Variants in COMMD7 observed in about 807,000 individuals in gnomAD.
COMMD7 encodes the protein COMM domain containing 7, also known as COMM domain-containing protein 7.
COMMD7 carries 28 observed loss-of-function variants against 34.8 expected under a neutral mutation model. That is an observed-to-expected ratio of 0.80 (90% confidence interval 0.60 to 1.10). COMMD7 has a LOEUF of 1.10. Among genes scored for constraint, COMMD7 ranks in the 50% least tolerant of loss-of-function variants. The probability of loss-of-function intolerance (pLI) is 0.00; values close to 1 mark genes in which losing one functional copy is unlikely to be tolerated. For missense variants in COMMD7, 211 were observed against 241.6 expected (o/e 0.87, Z 0.84); for synonymous variants, 80 against 86.4 (o/e 0.93, Z 0.41).
chr20:32,742,925 C>T (rs1212020500), intron 1 of COMMD7, among the ~76,000 whole-genome samples: 1 of 152,188 alleles, frequency 6.6e-6, no homozygotes, highest in Non-Finnish European at 1.5e-5. Flanking sequence ...TCCCCACGCC[C>T]TTAGTCTGTT....
chr20:32,716,911 C>T (rs6058821), intron 3 of COMMD7, among the ~76,000 whole-genome samples: 104,606 of 151,270 alleles, frequency 0.69, 36,866 homozygotes, highest in Middle Eastern at 0.82. Flanking sequence ...CAGGCCAGAG[C>T]GCAGTGTCAG....
At chr20:32,725,590 G>A (rs965067732) in intron 3 of COMMD7, among the ~76,000 whole-genome samples, 4 of 151,748 alleles carry the variant, frequency 2.6e-5, no homozygotes, top group Admixed American at 6.6e-5. Flanking sequence ...CACCACACCC[G>A]GCTAATTTTT....
In COMMD7 at chr20:32,727,990, T is replaced by G. The variant is rs767902148; in HGVS notation, c.144A>C (p.Glu48Asp). The G allele has an allele frequency of 1.9e-6, 3 of 1,614,056 alleles. No homozygotes were observed. Among genetic ancestry groups the G allele is most frequent in the East Asian group, 4.5e-5 (2 of 44,882 alleles). The part of the protein sequence containing the change: ...FHFLTEPKEV[E>D]RFLAQLSEFA... ...ATTCAGAGAGCTGAGCCAGAAATCT[T>G]TCCACCTGCAGAGAGAGAACAGTGA... Residue 48 changes from glutamate (E) to aspartate (D), a missense_variant, in exon 3 of 9, where the codon GAA becomes GAC. Coordinates refer to ENST00000278980, the MANE Select transcript of COMMD7 (RefSeq NM_053041.3).
At chr20:32,707,415 G>A (rs927866953) in intron 3 of COMMD7, among the ~76,000 whole-genome samples, 1 of 151,508 alleles carries the variant, frequency 6.6e-6, no homozygotes. Flanking sequence ...CACCTCCTGG[G>A]TTCAAGTGAT....
intron 1 of COMMD7, among the ~76,000 whole-genome samples, chr20:32,736,391 C>G (rs1986129602): frequency 6.6e-6 from 1 of 152,178 alleles, no homozygotes; most frequent in African/African-American, 2.4e-5. Context: ...ATAAAGGTAG[C>G]TGGGCCTGGT....
In COMMD7 at chr20:32,723,176, G is replaced by A. The variant is rs1344894392; in HGVS notation, c.241+4717C>T. Among the ~76,000 whole-genome samples, 32 of 39,094 alleles carry A rather than the reference G, an allele frequency of 8.2e-4. 4 individuals are homozygous for A. Among genetic ancestry groups the A allele is most frequent in the African/African-American group, 2.8e-3 (31 of 10,938 alleles). The allele number at this position is 39,094 out of a possible 152,430, so 25.6% of individuals were successfully genotyped here. ...TCCGTCTCCCTCTCCCTCTCCCCAC[G>A]GTCTCCCTCTCATGCGGAGCCGAAG... On this transcript the variant is annotated intron_variant, in intron 3 of 8. Coordinates refer to ENST00000278980, the MANE Select transcript of COMMD7 (RefSeq NM_053041.3).
At chr20:32,711,226 G>A (rs768135806) in intron 3 of COMMD7, among the ~76,000 whole-genome samples, 8 of 151,782 alleles carry the variant, frequency 5.3e-5, no homozygotes, top group South Asian at 4.2e-4. Flanking sequence ...GTGAAACCCC[G>A]TCTCCACTAA....
chr20:32,732,543 G>T (rs1180974273), intron 1 of COMMD7, among the ~76,000 whole-genome samples: 1 of 151,616 alleles, frequency 6.6e-6, no homozygotes, highest in Non-Finnish European at 1.5e-5. Context: ...GAGGCAGGAG[G>T]ACCGCTTGAT....
chr20:32,705,849 A>G (rs549819701), intron 5 of COMMD7, among the ~76,000 whole-genome samples: 32 of 152,242 alleles, frequency 2.1e-4, no homozygotes, highest in Non-Finnish European at 3.5e-4. Context: ...AAATGATGAT[A>G]CTGATAGGTG....
intron 3 of COMMD7, among the ~76,000 whole-genome samples, chr20:32,727,171 GTGCTA>G (rs1422016233): frequency 1.6e-4 from 24 of 151,662 alleles, no homozygotes; most frequent in African/African-American, 5.8e-4. Context: ...AGGCTGAAGT[GTGCTA>G]TGATTGCACC....
At chr20:32,711,813 T>C (rs1984460908) in intron 3 of COMMD7, among the ~76,000 whole-genome samples, 1 of 121,838 alleles carries the variant, frequency 8.2e-6, no homozygotes, top group Non-Finnish European at 1.7e-5. Flanking sequence ...AGAATGAAAA[T>C]TGTGTGGGGC....
At chr20:32,703,894 TGG>T in intron 8 of COMMD7, 127 bp downstream of exon 8, 1 of 1,559,932 alleles carries the variant, frequency 6.4e-7, no homozygotes. Flanking sequence ...GGAAAGGCAG[TGG>T]AACAGCTACT....
chr20:32,704,943 A>C, intron 5 of COMMD7, 39 bp from the exon 6 acceptor site: 1 of 1,416,866 alleles, frequency 7.1e-7, no homozygotes, highest in Non-Finnish European at 1.0e-6. Flanking sequence ...TTACAATAGG[A>C]AAATCTCCCC....
intron 3 of COMMD7, among the ~76,000 whole-genome samples, chr20:32,708,071 A>G (rs1202084279): frequency 2.0e-5 from 3 of 152,182 alleles, no homozygotes; most frequent in African/African-American, 7.2e-5. Context: ...ACTAACCTCT[A>G]CAATTCACAA....
At chr20:32,731,098 A>G (rs1320436382) in intron 1 of COMMD7, among the ~76,000 whole-genome samples, 1 of 152,172 alleles carries the variant, frequency 6.6e-6, no homozygotes, top group African/African-American at 2.4e-5. Context: ...CTGGGAGGCC[A>G]AAGTGAGAGG....
At chr20:32,721,578 C>G (rs965965977) in intron 3 of COMMD7, among the ~76,000 whole-genome samples, 1 of 150,746 alleles carries the variant, frequency 6.6e-6, no homozygotes, top group African/African-American at 2.4e-5. Flanking sequence ...AACTCCATCT[C>G]TACTAAAAAT....
intron 3 of COMMD7, among the ~76,000 whole-genome samples, chr20:32,726,160 C>T (rs751461776): frequency 6.6e-6 from 1 of 151,288 alleles, no homozygotes; most frequent in African/African-American, 2.4e-5. Context: ...GGAGCCAAGG[C>T]GGGTGGATCA....
rs6087415 is a variant in COMMD7, at chr20:32,740,209, T to C, written c.84+3099A>G. ...GCAGGCAGCTGTAGTCCCAGCTACT[T>C]GGGAGGCTGAGGCAGGAAAATGGCG... On this transcript the variant is annotated intron_variant, in intron 1 of 8. Transcript: ENST00000278980. Among the ~76,000 whole-genome samples the C allele has an allele frequency of 2.0e-4, 21 of 106,886 alleles. 3 individuals carry two copies. The highest frequency in any genetic ancestry group is 4.7e-4 in the East Asian group (1 of 2,124). The allele number at this position is 106,886 out of a possible 152,430, so 70.1% of individuals were successfully genotyped here.
chr20:32,728,657 C>T (rs1346406156), intron 1 of COMMD7, among the ~76,000 whole-genome samples: 1 of 150,042 alleles, frequency 6.7e-6, no homozygotes, highest in East Asian at 2.0e-4. Context: ...ACCTCTGCCT[C>T]CTGGGCTCAA....
Sources: allele counts gnomAD v4.1 joint callset (sites outside exome capture counted in the v4.1 genomes callset), GRCh38; gene constraint gnomAD v4.1.1; transcripts MANE v1.5; gene names NCBI Gene and HGNC (gene_info 2026-07-23, HGNC 2026-07-21).